The following KIAA1143 variants were observed in gnomAD, a reference collection of about 807,000 sequenced individuals.
KIAA1143 encodes the protein uncharacterized protein KIAA1143.
KIAA1143 carries 8 observed loss-of-function variants against 17.0 expected under a neutral mutation model. The observed-to-expected ratio is 0.47, with a 90% CI of 0.28 to 0.85. KIAA1143 has a LOEUF of 0.85. Ranked by LOEUF, KIAA1143 falls within the 40% of genes least tolerant of loss-of-function variation. The pLI is 0.12. For synonymous variants in KIAA1143, 64 were observed against 67.8 expected (o/e 0.94, Z 0.27); for missense variants, 162 against 183.3 (o/e 0.88, Z 0.67).
At chr3:44,759,370 G>T (rs752161118) in intron 1 of KIAA1143, among the ~76,000 whole-genome samples, 52 of 152,068 alleles carry the variant, frequency 3.4e-4, no homozygotes, top group Admixed American at 5.2e-4. Context: ...TCTCAACAGT[G>T]GGCTAAAAAT....
chr3:44,753,078 A>G lies in KIAA1143; in HGVS notation c.*263T>C, dbSNP rs1704912050. 1 of 266,010 alleles carries G rather than the reference A, an allele frequency of 3.8e-6. No homozygotes were observed. Among genetic ancestry groups the G allele is most frequent in the African/African-American group, 2.2e-5 (1 of 45,040 alleles). The allele number at this position is 266,010 out of a possible 1,614,324, so 16.5% of individuals were successfully genotyped here. Reference sequence around the variant, plus strand: ...TATAAAATTTTGTTTACACACAAAAAATGTATTTTGCTTAAAAATATAATT... The same window carrying G: ...TATAAAATTTTGTTTACACACAAAAGATGTATTTTGCTTAAAAATATAATT... On this transcript the variant is annotated 3_prime_UTR_variant, in exon 3 of 3. Coordinates refer to ENST00000296121, the MANE Select transcript of KIAA1143 (RefSeq NM_020696.4).
Position 44,761,555 on chromosome 3 carries a change from C to G in KIAA1143, c.48G>C (p.Ala16=). The change falls in exon 1 of 3, where the codon GCG becomes GCC. Residue 16 remains alanine, a synonymous_variant. Transcript: ENST00000296121. ...QVSYVRPAEP[A]FLARFKERVG... ...CCCGTTCCTTGAAGCGGGCCAGAAA[C>G]GCCGGCTCGGCTGGCCGCACGTACG... The G allele has an allele frequency of 6.2e-7, 1 of 1,614,158 alleles. No homozygotes were observed. Among genetic ancestry groups the G allele is most frequent in the Non-Finnish European group, 8.5e-7 (1 of 1,180,042 alleles).
In KIAA1143 at chr3:44,757,452, T is replaced by C. The variant is rs570105491; in HGVS notation, c.109-3084A>G. Among the ~76,000 whole-genome samples the C allele has an allele frequency of 7.9e-5, 12 of 152,324 alleles. No homozygotes were observed. The South Asian group carries it at 2.5e-3, about 32-fold the overall frequency. On this transcript the variant is annotated intron_variant, in intron 1 of 2. Transcript: ENST00000296121. ...TCATCTCTACCTGCTGACCTAACCA[T>C]GCTCGAGAGTCTATCTAAATATCCC...
chr3:44,759,916 G>A (rs1315768367), intron 1 of KIAA1143, among the ~76,000 whole-genome samples: 732 of 56,484 alleles, frequency 0.013, no homozygotes, highest in Middle Eastern at 0.023. Flanking sequence ...AAAAAAAAAA[G>A]TCCTAGATGG....
intron 1 of KIAA1143, among the ~76,000 whole-genome samples, chr3:44,757,135 C>T (rs933228225): frequency 2.0e-5 from 3 of 152,200 alleles, no homozygotes; most frequent in African/African-American, 4.8e-5. Context: ...AACCTTCAAG[C>T]TGTCAACTGT....
chr3:44,761,415 C>G, intron 1 of KIAA1143, 80 bp downstream of exon 1: 1 of 1,113,698 alleles, frequency 9.0e-7, no homozygotes, highest in Non-Finnish European at 1.3e-6. Flanking sequence ...CCCGACAGCA[C>G]CCACCCTCCA....
At chr3:44,756,604 G>A (rs1306462029) in intron 1 of KIAA1143, among the ~76,000 whole-genome samples, 2 of 152,160 alleles carry the variant, frequency 1.3e-5, no homozygotes, top group African/African-American at 4.8e-5. Flanking sequence ...CTTAATTATG[G>A]AATGATTTCC....
At chr3:44,754,990 C>T (rs1010967853) in intron 1 of KIAA1143, among the ~76,000 whole-genome samples, 3 of 152,106 alleles carry the variant, frequency 2.0e-5, no homozygotes, top group African/African-American at 7.2e-5. Context: ...AATAACATAA[C>T]AGAAACCATG....
At chr3:44,761,364 G>A in intron 1 of KIAA1143, 131 bp downstream of exon 1, 3 of 661,472 alleles carry the variant, frequency 4.5e-6, no homozygotes, top group East Asian at 2.7e-5. Flanking sequence ...GGGGGTCCGA[G>A]TTCCACCGGA....
At chr3:44,760,955 G>A (rs1430481934) in intron 1 of KIAA1143, among the ~76,000 whole-genome samples, 6 of 152,126 alleles carry the variant, frequency 3.9e-5, no homozygotes, top group African/African-American at 1.4e-4. Flanking sequence ...GCCTCCCAAA[G>A]TACTGGGATT....
At chr3:44,760,871 C>T (rs1044977790) in intron 1 of KIAA1143, among the ~76,000 whole-genome samples, 5 of 151,694 alleles carry the variant, frequency 3.3e-5, no homozygotes, top group Admixed American at 6.6e-5. Context: ...TTAGCAGAGA[C>T]GGGGGGTTTC....
chr3:44,760,052 G>T (rs1034497985), intron 1 of KIAA1143, among the ~76,000 whole-genome samples: 3 of 152,100 alleles, frequency 2.0e-5, no homozygotes, highest in African/African-American at 7.2e-5. Context: ...ATGTTATGGA[G>T]ATGGCTTCTT....
In KIAA1143 at chr3:44,752,641, A is replaced by AT. The variant is rs1704906542; in HGVS notation, c.*699dup. The AT allele has an allele frequency of 6.6e-6, 1 of 151,762 alleles. No homozygotes were observed. The highest frequency in any genetic ancestry group is 6.6e-5 in the Admixed American group (1 of 15,210). 9.4% of individuals were successfully genotyped at this position (151,762 alleles called of 1,614,324 possible). On this transcript the variant is annotated 3_prime_UTR_variant, in exon 3 of 3. Transcript: ENST00000296121. The stretch of plus-strand genomic sequence containing the variant: ...TTTTTACTAACATGACCCAAAGCAC[A>AT]TGGCTGCCTTCCTTATGCCTAAAAG...
At position 44,761,590 on chromosome 3, in the gene KIAA1143, T is replaced by TCCGCTTGCTCC; in HGVS notation, c.12_13insGGAGCAAGCGG (p.Asn5GlyfsTer33). 1 of 1,609,068 alleles carries TCCGCTTGCTCC rather than the reference T, an allele frequency of 6.2e-7. No individual in the cohort carries two copies. Among genetic ancestry groups the TCCGCTTGCTCC allele is most frequent in the Non-Finnish European group, 8.5e-7 (1 of 1,179,080 alleles). On this transcript the variant is annotated frameshift_variant, in exon 1 of 3. Coordinates refer to ENST00000296121, the MANE Select transcript of KIAA1143 (RefSeq NM_020696.4). LOFTEE classifies it high-confidence loss of function. ...GCTGGCCGCACGTACGATACCTGGT[T>TCCGCTTGCTCC]CCGCTTGCTCATGGTAGCTCTGGGT...
At position 44,753,398 on chromosome 3, in the gene KIAA1143, T is replaced by C. The variant is rs1327833765; in HGVS notation, c.408A>G (p.Gln136=). The change falls in exon 3 of 3, where the codon CAA becomes CAG. Residue 136 remains glutamine, a synonymous_variant. Coordinates refer to ENST00000296121, the MANE Select transcript of KIAA1143 (RefSeq NM_020696.4). ...VNQDSVKKNS[Q]KQIKNSSLLS... The stretch of plus-strand genomic sequence containing the variant: ...GGAGGCTACTATTTTTAATTTGTTT[T>C]TGTGAGTTCTTTTTGACCGAGTCCT... 1.3e-6 allele frequency: 2 copies of C among 1,599,266 alleles called. No individual in the cohort carries two copies. Among genetic ancestry groups the C allele is most frequent in the East Asian group, 4.5e-5 (2 of 44,746 alleles).
chr3:44,753,460 A>C lies in KIAA1143; in HGVS notation c.346T>G (p.Ser116Ala). The change falls in exon 3 of 3, where the codon TCA becomes GCA. Residue 116 changes from serine (S) to alanine (A), a missense_variant. Transcript: ENST00000296121. ...DEKYSGLTAS[S>A]KKKKPNEDEV... ...TCTTCATTTGGCTTCTTCTTTTTTGAGCTTGCTGTTAAACCTGAATATTTT... is the reference window on the plus strand; with the variant it reads ...TCTTCATTTGGCTTCTTCTTTTTTGCGCTTGCTGTTAAACCTGAATATTTT... 1 of 1,609,334 alleles carries C rather than the reference A, an allele frequency of 6.2e-7. No homozygotes were observed. Among genetic ancestry groups the C allele is most frequent in the Non-Finnish European group, 8.5e-7 (1 of 1,176,114 alleles).
At chr3:44,761,115 G>A (rs1015765816) in intron 1 of KIAA1143, among the ~76,000 whole-genome samples, 2 of 152,170 alleles carry the variant, frequency 1.3e-5, no homozygotes, top group African/African-American at 2.4e-5. Context: ...ATTTGATCGA[G>A]TGGCCTGTGT....
In KIAA1143 at chr3:44,749,468, A is replaced by G. The variant is rs907260156; in HGVS notation, c.*3873T>C. ...GATACTTTGAAATTCATAATTTCAG[A>G]TGGATGTGGCTGGTAAGGATCTTAA... On this transcript the variant is annotated 3_prime_UTR_variant, in exon 3 of 3. Coordinates refer to ENST00000296121, the MANE Select transcript of KIAA1143 (RefSeq NM_020696.4). 2 of 152,222 alleles carry G rather than the reference A, an allele frequency of 1.3e-5. No homozygotes were observed. Among genetic ancestry groups the G allele is most frequent in the African/African-American group, 4.8e-5 (2 of 41,452 alleles). 9.4% of individuals were successfully genotyped at this position (152,222 alleles called of 1,614,324 possible). A position where few individuals can be genotyped will look rare whatever the true frequency, so the allele number is the denominator to read the frequency against.
rs117423128 is a variant in KIAA1143, at chr3:44,756,388, C to T, written c.109-2020G>A. On this transcript the variant is annotated intron_variant, in intron 1 of 2. Transcript: ENST00000296121. ...CTAGCCTGGCAAACATGGTGAAACC[C>T]CCCGTCTCTACTAAAAATACAGAAA... 1.2e-4 allele frequency among the ~76,000 whole-genome samples: 18 copies of T among 152,254 alleles called. No individual in the cohort carries two copies. The East Asian group carries it at 3.3e-3, about 28-fold the overall frequency.
Sources: allele counts gnomAD v4.1 joint callset (sites outside exome capture counted in the v4.1 genomes callset), GRCh38; gene constraint gnomAD v4.1.1; transcripts MANE v1.5; gene names NCBI Gene and HGNC (gene_info 2026-07-23, HGNC 2026-07-21).